AFG2A: variants seen among roughly 807,000 people sequenced by gnomAD.
AFG2A encodes ATPase family gene 2 protein homolog A.
the AFG2A span, among the ~76,000 whole-genome samples, chr4:123,156,410 A>G: frequency 2.0e-5 from 3 of 152,210 alleles, no homozygotes; most frequent in African/African-American, 7.2e-5. Flanking sequence ...AATGTCAATA[A>G]TAGAATTCTT....
the AFG2A span, among the ~76,000 whole-genome samples, chr4:122,996,194 G>A: frequency 6.6e-6 from 1 of 152,040 alleles, no homozygotes; most frequent in Admixed American, 6.6e-5. Context: ...CCTCCCATCT[G>A]CCTGAAAAGT....
chr4:123,147,109 C>G, the AFG2A span, among the ~76,000 whole-genome samples: 2 of 152,102 alleles, frequency 1.3e-5, no homozygotes, highest in Admixed American at 1.3e-4. Flanking sequence ...TTATCTTACT[C>G]TAACACTTAA....
chr4:123,067,525 AAAAG>A, the AFG2A span, among the ~76,000 whole-genome samples: 10 of 152,162 alleles, frequency 6.6e-5, no homozygotes, highest in Admixed American at 3.3e-4. Flanking sequence ...CCCCCCAAAA[AAAAG>A]AAAGAGAGAA....
chr4:123,017,541 T>C, the AFG2A span, among the ~76,000 whole-genome samples: 1 of 151,070 alleles, frequency 6.6e-6, no homozygotes, highest in Non-Finnish European at 1.5e-5. Context: ...TCTTGCTTTA[T>C]CTGTATTAAA....
chr4:123,018,997 G>T, the AFG2A span, among the ~76,000 whole-genome samples: 123,260 of 152,008 alleles, frequency 0.81, 51,712 homozygotes, highest in East Asian at 0.96. Context: ...AAAAAAAAAT[G>T]AAGATAATTT....
the AFG2A span, chr4:123,057,233 G>A: frequency 1.2e-6 from 2 of 1,613,880 alleles, no homozygotes; most frequent in Non-Finnish European, 1.7e-6. Context: ...AAGAGCAGTG[G>A]CGCCTTCCAT....
At chr4:122,927,777 T>C in the AFG2A span, 1 of 1,610,170 alleles carries the variant, frequency 6.2e-7, no homozygotes, top group Non-Finnish European at 8.5e-7. Context: ...CTTTTTCATT[T>C]CCTTAGTTTA....
the AFG2A span, among the ~76,000 whole-genome samples, chr4:123,285,234 C>G: frequency 1.3e-5 from 2 of 152,108 alleles, no homozygotes; most frequent in African/African-American, 4.8e-5. Context: ...AATTCGTACC[C>G]TCTTCCTAAA....
chr4:123,050,446 G>A, the AFG2A span, among the ~76,000 whole-genome samples: 3 of 152,196 alleles, frequency 2.0e-5, no homozygotes, highest in East Asian at 3.9e-4. Flanking sequence ...TGTCTCTCTC[G>A]AGAGCTATTA....
At chr4:123,264,712 T>C in the AFG2A span, among the ~76,000 whole-genome samples, 2 of 152,318 alleles carry the variant, frequency 1.3e-5, no homozygotes, top group Admixed American at 1.3e-4. Flanking sequence ...TGAAGAAATT[T>C]GGTAAAAGCC....
At chr4:122,958,908 G>A in the AFG2A span, among the ~76,000 whole-genome samples, 16 of 152,202 alleles carry the variant, frequency 1.1e-4, no homozygotes, top group Admixed American at 7.2e-4. Flanking sequence ...TGATTTTGAA[G>A]CAGCCAGTCT....
chr4:123,059,348 C>T, the AFG2A span, among the ~76,000 whole-genome samples: 25 of 141,758 alleles, frequency 1.8e-4, no homozygotes, highest in South Asian at 2.5e-4. Context: ...GTTCCCCTTC[C>T]GGTGTCCATG....
At chr4:123,036,067 T>C in the AFG2A span, among the ~76,000 whole-genome samples, 77 of 152,290 alleles carry the variant, frequency 5.1e-4, 1 homozygote, top group African/African-American at 1.7e-3. Flanking sequence ...CTGTAATACT[T>C]TTAAAAATAT....
chr4:122,958,881 C>T, the AFG2A span, among the ~76,000 whole-genome samples: 1 of 152,204 alleles, frequency 6.6e-6, no homozygotes, highest in Non-Finnish European at 1.5e-5. Flanking sequence ...GAGGCAGGAT[C>T]TATAATGTTT....
the AFG2A span, among the ~76,000 whole-genome samples, chr4:123,221,921 T>TC: frequency 6.6e-6 from 1 of 151,322 alleles, no homozygotes; most frequent in Non-Finnish European, 1.5e-5. Context: ...GAACAAAAAC[T>TC]CCATCTCAAA....
At chr4:122,951,211 A>G in the AFG2A span, among the ~76,000 whole-genome samples, 2 of 152,186 alleles carry the variant, frequency 1.3e-5, no homozygotes, top group African/African-American at 4.8e-5. Context: ...TGTGCTTCCC[A>G]TTGTAGTAGC....
the AFG2A span, among the ~76,000 whole-genome samples, chr4:122,961,962 T>C: frequency 3.8e-3 from 575 of 152,350 alleles, 2 homozygotes; most frequent in African/African-American, 0.013. Context: ...CAGGGACCGG[T>C]TTTGTGGAAG....
chr4:123,140,897 A>G, the AFG2A span, among the ~76,000 whole-genome samples: 3 of 152,214 alleles, frequency 2.0e-5, no homozygotes, highest in South Asian at 6.2e-4. Context: ...TCATGAAACT[A>G]CTAAAAAAAA....
At chr4:123,269,298 G>A in the AFG2A span, among the ~76,000 whole-genome samples, 122 of 152,298 alleles carry the variant, frequency 8.0e-4, no homozygotes, top group African/African-American at 2.9e-3. Flanking sequence ...TGCATCCTGT[G>A]AGGCACCTTG....
Sources: allele counts gnomAD v4.1 joint callset (sites outside exome capture counted in the v4.1 genomes callset), GRCh38; gene constraint gnomAD v4.1.1; transcripts MANE v1.5; gene names NCBI Gene and HGNC (gene_info 2026-07-23, HGNC 2026-07-21).